USP44: variants seen among roughly 807,000 people sequenced by gnomAD.
The protein encoded by USP44 is ubiquitin carboxyl-terminal hydrolase 44.
Under a neutral mutation model 69.0 loss-of-function variants are expected in USP44, and 61 were observed. The ratio of observed to expected loss-of-function variants is 0.88; its 90% confidence interval spans 0.72 to 1.09. The LOEUF (loss-of-function observed/expected upper bound fraction) is 1.09. Ranked by LOEUF, USP44 falls within the 50% of genes least tolerant of loss-of-function variation. USP44 has a pLI of 0.00. For synonymous variants in USP44, 297 were observed against 295.4 expected (o/e 1.01, Z -0.06); for missense variants, 753 against 849.9 (o/e 0.89, Z 1.42).
At chr12:95,542,266 T>A (rs78448980) in intron 1 of USP44, among the ~76,000 whole-genome samples, 2,819 of 152,284 alleles carry the variant, frequency 0.019, 84 homozygotes, top group African/African-American at 0.06. Context: ...TGTGCATACA[T>A]CCTTACTTTG....
At chr12:95,519,515 C>G (rs2076583766) in intron 5 of USP44, among the ~76,000 whole-genome samples, 1 of 144,256 alleles carries the variant, frequency 6.9e-6, no homozygotes, top group African/African-American at 2.6e-5. Context: ...TCTCGGCTCA[C>G]TGCAAGCTCC....
At chr12:95,549,749 TG>T (rs2077688882) in intron 1 of USP44, among the ~76,000 whole-genome samples, 1 of 152,224 alleles carries the variant, frequency 6.6e-6, no homozygotes, top group Non-Finnish European at 1.5e-5. Flanking sequence ...AGTTTTATTC[TG>T]GGGAGTATGT....
At position 95,548,188 on chromosome 12, in the gene USP44, C is replaced by T. The variant is rs560038131; in HGVS notation, c.-71+3084G>A. The T allele has an allele frequency of 2.4e-4, 37 of 152,360 alleles. No homozygotes were observed. Among genetic ancestry groups the T allele is most frequent in the African/African-American group, 8.7e-4 (36 of 41,560 alleles). The allele number at this position is 152,360 out of a possible 1,614,324, so 9.4% of individuals were successfully genotyped here. The stretch of plus-strand genomic sequence containing the variant: ...CGATGGAGAGAAGGCGGGCAAGACG[C>T]CGGGAAGCGCATTCCTCCTCAACCG... On this transcript the variant is annotated intron_variant, in intron 1 of 5. Transcript: ENST00000258499. The surrounding 1 kb of genome is among the most constrained non-coding windows in gnomAD (Gnocchi z 4.1).
chr12:95,529,766 T>TA (rs1197032994), intron 2 of USP44, among the ~76,000 whole-genome samples: 1 of 152,124 alleles, frequency 6.6e-6, no homozygotes, highest in Non-Finnish European at 1.5e-5. Context: ...CCAAATCCTA[T>TA]AACCTCTTAA....
At chr12:95,549,235 A>G (rs553397155) in intron 1 of USP44, among the ~76,000 whole-genome samples, 2 of 152,354 alleles carry the variant, frequency 1.3e-5, no homozygotes, top group Admixed American at 1.3e-4. Context: ...ATTCACTGGC[A>G]TAGAAATTCT....
chr12:95,517,085 G>GAT lies in USP44; in HGVS notation c.*1067_*1068dup, dbSNP rs977021253. 5.4e-5 allele frequency: 8 copies of GAT among 148,960 alleles called. No homozygotes were observed. The highest frequency in any genetic ancestry group is 1.7e-4 in the African/African-American group (7 of 40,330). The allele number at this position is 148,960 out of a possible 1,614,324, so 9.2% of individuals were successfully genotyped here. ...ATTTTTTTTTGTGCAAGTTTAGATA[G>GAT]ATAGCTTTTAGTTTTTTTTTTTTTT... is the stretch of plus-strand genomic sequence containing the variant. On this transcript the variant is annotated 3_prime_UTR_variant, in exon 6 of 6. Coordinates refer to ENST00000258499, the MANE Select transcript of USP44 (RefSeq NM_032147.5).
At chr12:95,519,495 A>G (rs1052435654) in intron 5 of USP44, among the ~76,000 whole-genome samples, 2 of 135,706 alleles carry the variant, frequency 1.5e-5, no homozygotes, top group Non-Finnish European at 3.0e-5. Flanking sequence ...GCTGGAGTAC[A>G]GTGGCGCAGT....
intron 1 of USP44, among the ~76,000 whole-genome samples, chr12:95,545,682 C>T (rs563151062): frequency 6.6e-6 from 1 of 152,192 alleles, no homozygotes; most frequent in Admixed American, 6.5e-5. Context: ...GGGTCAAGCA[C>T]AGTGCTTGGT....
At chr12:95,526,951 G>A (rs1212128399) in intron 3 of USP44, among the ~76,000 whole-genome samples, 1 of 151,840 alleles carries the variant, frequency 6.6e-6, no homozygotes, top group Non-Finnish European at 1.5e-5. Flanking sequence ...GTGGTGTTTG[G>A]TTACATAAAT....
chr12:95,543,872 C>CAG lies in USP44; in HGVS notation c.-71+7398_-71+7399dup, dbSNP rs570327738. 9.0e-5 allele frequency among the ~76,000 whole-genome samples: 12 copies of CAG among 132,712 alleles called. No individual in the cohort carries two copies. In the South Asian group the frequency reaches 3.0e-3, roughly 33 times the overall value. The allele number at this position is 132,712 out of a possible 152,430, so 87.1% of individuals were successfully genotyped here. A position where few individuals can be genotyped will look rare whatever the true frequency, so the allele number is the denominator to read the frequency against. ...GTCCCAGCTACTCCGGAGGCTGAGG[C>CAG]AGAAGAATGGCGTGAAACCAGGAGG... On this transcript the variant is annotated intron_variant, in intron 1 of 5. Transcript: ENST00000258499.
In USP44 at chr12:95,517,123, G is replaced by A. The variant is rs1483186941; in HGVS notation, c.*1031C>T. ...TTTTTTTTTTTTTTTTAATGCTCAG[G>A]GCCAGTGTTTTAAGAGGCTCCTACC... On this transcript the variant is annotated 3_prime_UTR_variant, in exon 6 of 6. Coordinates refer to ENST00000258499, the MANE Select transcript of USP44 (RefSeq NM_032147.5). 3 of 149,440 alleles carry A rather than the reference G, an allele frequency of 2.0e-5. No individual in the cohort carries two copies. The South Asian group carries it at 6.3e-4, about 32-fold the overall frequency. The allele number at this position is 149,440 out of a possible 1,614,324, so 9.3% of individuals were successfully genotyped here.
chr12:95,516,940 A>G lies in USP44; in HGVS notation c.*1214T>C, dbSNP rs181659170. ...TGTGGTTAACAGAGCTTAGATACAT[A>G]GCTGGTCTACAGAGATTAGTTGATT... On this transcript the variant is annotated 3_prime_UTR_variant, in exon 6 of 6. Transcript: ENST00000258499. 6 of 152,322 alleles carry G rather than the reference A, an allele frequency of 3.9e-5. No individual in the cohort carries two copies. Among genetic ancestry groups the G allele is most frequent in the African/African-American group, 1.2e-4 (5 of 41,572 alleles). The allele number at this position is 152,322 out of a possible 1,614,324, so 9.4% of individuals were successfully genotyped here.
intron 2 of USP44, among the ~76,000 whole-genome samples, chr12:95,529,246 G>A (rs892572035): frequency 6.6e-6 from 1 of 151,880 alleles, no homozygotes; most frequent in Admixed American, 6.6e-5. Context: ...AGCTCTAAGG[G>A]CATTAAATTT....
chr12:95,519,762 G>A (rs530165474), intron 5 of USP44, among the ~76,000 whole-genome samples: 147 of 150,648 alleles, frequency 9.8e-4, no homozygotes, highest in African/African-American at 3.4e-3. Flanking sequence ...AAATTGGGTC[G>A]GGCATGGTGG....
chr12:95,516,604 T>TAA lies in USP44; in HGVS notation c.*1548_*1549dup, dbSNP rs1592647699. 1 of 152,292 alleles carries TAA rather than the reference T, an allele frequency of 6.6e-6. No homozygotes were observed. The highest frequency in any genetic ancestry group is 1.9e-4 in the East Asian group (1 of 5,190). The allele number at this position is 152,292 out of a possible 1,614,324, so 9.4% of individuals were successfully genotyped here. A position where few individuals can be genotyped will look rare whatever the true frequency, so the allele number is the denominator to read the frequency against. On this transcript the variant is annotated 3_prime_UTR_variant, in exon 6 of 6. Transcript: ENST00000258499. The stretch of plus-strand genomic sequence containing the variant: ...TTTTAATGAGGTATTAAGAAGTGTG[T>TAA]AACAGTTGAGGTAACAACTTGCATA...
At chr12:95,542,264 C>A (rs944651396) in intron 1 of USP44, among the ~76,000 whole-genome samples, 1 of 152,176 alleles carries the variant, frequency 6.6e-6, no homozygotes, top group South Asian at 2.1e-4. Context: ...TGTGTGCATA[C>A]ATCCTTACTT....
intron 5 of USP44, among the ~76,000 whole-genome samples, chr12:95,519,607 ATTTTT>A (rs539831220): frequency 6.9e-6 from 1 of 145,092 alleles, no homozygotes; most frequent in Non-Finnish European, 1.5e-5. Context: ...CGCCCGGCTA[ATTTTT>A]TTTTTTTATT....
At chr12:95,540,903 A>C (rs143576746) in intron 1 of USP44, among the ~76,000 whole-genome samples, 71 of 152,306 alleles carry the variant, frequency 4.7e-4, no homozygotes, top group African/African-American at 1.7e-3. Flanking sequence ...CCTCATTATG[A>C]AAGCAAAACA....
rs375177512 is a variant in USP44, at chr12:95,532,987, C to T, written c.1270G>A (p.Ala424Thr). ...AAAAGTTCACAAAGAAATTCCTGAG[C>T]GTCTTGTTGGGCGTAACCACGAAAG... is the stretch of plus-strand genomic sequence containing the variant. Reference protein sequence around the residue: ...PAFRGYAQQDAQEFLCELLDK... With the variant: ...PAFRGYAQQDTQEFLCELLDK... Residue 424 changes from alanine (A) to threonine (T), a missense_variant, in exon 2 of 6, where the codon GCT becomes ACT. Ala to Thr is a moderately conservative substitution (Grantham distance 58). Coordinates refer to ENST00000258499, the MANE Select transcript of USP44 (RefSeq NM_032147.5). 37 of 1,614,004 alleles carry T rather than the reference C, an allele frequency of 2.3e-5. No individual in the cohort carries two copies. The highest frequency in any genetic ancestry group is 3.0e-5 in the Non-Finnish European group (35 of 1,180,034).
Sources: gnomAD v4.1 joint callset for allele counts (sites outside exome capture counted in the v4.1 genomes callset) on GRCh38, gnomAD v4.1.1 for gene constraint, Gnocchi (gnomAD v3.1) non-coding constraint, MANE v1.5 for transcripts, NCBI Gene and HGNC (gene_info 2026-07-23, HGNC 2026-07-21) for gene names.